The following PRDM16 variants were observed in gnomAD, a reference collection of about 807,000 sequenced individuals.
The protein encoded by PRDM16 is histone-lysine N-methyltransferase PRDM16.
PRDM16 carries 23 observed loss-of-function variants against 110.6 expected under a neutral mutation model. That is an observed-to-expected ratio of 0.21 (90% CI 0.15 to 0.29). PRDM16 has a LOEUF of 0.29. PRDM16 is among the 10% of genes least tolerant of loss of function. The probability of loss-of-function intolerance (pLI) is 1.00; values close to 1 mark genes in which losing one functional copy is unlikely to be tolerated. For missense variants in PRDM16, 1,615 were observed against 1,794.3 expected (o/e 0.90, Z 1.81); for synonymous variants, 799 against 781.8 (o/e 1.02, Z -0.37).
Position 3,075,698 on chromosome 1 carries a change from C to T in PRDM16, c.37+6402C>T, listed in dbSNP as rs552043811. 1.0e-4 allele frequency among the ~76,000 whole-genome samples: 16 copies of T among 152,406 alleles called. No homozygotes were observed. In the East Asian group the frequency reaches 2.7e-3, roughly 26 times the overall value. On this transcript the variant is annotated intron_variant, in intron 1 of 16. Transcript: ENST00000270722. Reference sequence around the variant, plus strand: ...ATAAGGCTCTGTGCCGTCCCATGCGCGTTTTCCGCGCTGATGGCGGTGCCG... The same window carrying T: ...ATAAGGCTCTGTGCCGTCCCATGCGTGTTTTCCGCGCTGATGGCGGTGCCG...
At chr1:3,391,236 C>A (rs557766226) in intron 4 of PRDM16, among the ~76,000 whole-genome samples, 1 of 152,060 alleles carries the variant, frequency 6.6e-6, no homozygotes, top group South Asian at 2.1e-4. Context: ...TTGAAATGGG[C>A]GGGAGGAGGG....
chr1:3,277,663 A>C (rs1445924821), intron 3 of PRDM16, among the ~76,000 whole-genome samples: 1 of 152,258 alleles, frequency 6.6e-6, no homozygotes, highest in Non-Finnish European at 1.5e-5. Context: ...CATTGACCCC[A>C]GATGAATCCA....
intron 3 of PRDM16, among the ~76,000 whole-genome samples, chr1:3,277,917 T>G (rs1388477807): frequency 6.6e-6 from 1 of 152,140 alleles, no homozygotes; most frequent in African/African-American, 2.4e-5. Flanking sequence ...CTCATGCACA[T>G]GAGCACACGC....
Position 3,353,523 on chromosome 1 carries a change from T to C in PRDM16, c.439-31629T>C, listed in dbSNP as rs1557628201. ...TGGGCCATGGGAGCCCAAGGGTGGCTCCCTCGGGCCACCCCGTTACACTCC... is the reference window on the plus strand; with the variant it reads ...TGGGCCATGGGAGCCCAAGGGTGGCCCCCTCGGGCCACCCCGTTACACTCC... On this transcript the variant is annotated intron_variant, in intron 3 of 16. Transcript: ENST00000270722. This position sits in a 1 kb window ranked among gnomAD's most constrained non-coding sequence, Gnocchi z 5.4. Among the ~76,000 whole-genome samples, 1 of 152,050 alleles carries C rather than the reference T, an allele frequency of 6.6e-6. No homozygotes were observed. The highest frequency in any genetic ancestry group is 1.5e-5 in the Non-Finnish European group (1 of 67,988).
intron 1 of PRDM16, among the ~76,000 whole-genome samples, chr1:3,136,787 A>G (rs769351572): frequency 1.3e-5 from 2 of 152,140 alleles, no homozygotes; most frequent in African/African-American, 4.8e-5. Context: ...CCCTTCCTTC[A>G]GACAGCTGTA....
At chr1:3,250,410 T>C (rs924005274) in intron 3 of PRDM16, among the ~76,000 whole-genome samples, 6 of 151,950 alleles carry the variant, frequency 3.9e-5, no homozygotes, top group Non-Finnish European at 8.8e-5. Flanking sequence ...CCAAGGTGAG[T>C]TATGGGGCAG....
chr1:3,240,407 C>CT (rs1553151438), intron 2 of PRDM16, among the ~76,000 whole-genome samples: 1 of 105,292 alleles, frequency 9.5e-6, no homozygotes, highest in Non-Finnish European at 2.1e-5. Flanking sequence ...CAACCTGTTT[C>CT]AAAAAAAAAA....
chr1:3,139,185 G>A (rs148556295), intron 1 of PRDM16, among the ~76,000 whole-genome samples: 5 of 152,308 alleles, frequency 3.3e-5, no homozygotes, highest in African/African-American at 1.2e-4. Flanking sequence ...ATCGGGGAGA[G>A]GGGGACCCAC....
At chr1:3,410,159 C>T (rs569716015) in intron 8 of PRDM16, among the ~76,000 whole-genome samples, 1 of 150,506 alleles carries the variant, frequency 6.6e-6, no homozygotes, top group African/African-American at 2.4e-5. Context: ...GTTGTGTGTG[C>T]TGTGTGTGTG....
intron 1 of PRDM16, among the ~76,000 whole-genome samples, chr1:3,151,564 T>A (rs1643775631): frequency 6.6e-6 from 1 of 152,198 alleles, no homozygotes; most frequent in African/African-American, 2.4e-5. Context: ...AGAGGTGAGA[T>A]TTACCTGATT....
At position 3,244,444 on chromosome 1, in the gene PRDM16, A is replaced by T. The variant is rs1024173997; in HGVS notation, c.438+307A>T. Among the ~76,000 whole-genome samples the T allele has an allele frequency of 6.6e-6, 1 of 152,110 alleles. No individual in the cohort carries two copies. The highest frequency in any genetic ancestry group is 1.5e-5 in the Non-Finnish European group (1 of 68,016). ...TGTGGGAAAGCTTCAGGCCACGCAG[A>T]CAGGAAAATTAAATAAACGCAGGTT... is the stretch of plus-strand genomic sequence containing the variant. On this transcript the variant is annotated intron_variant, in intron 3 of 16. Coordinates refer to ENST00000270722, the MANE Select transcript of PRDM16 (RefSeq NM_022114.4). The surrounding 1 kb of genome is among the most constrained non-coding windows in gnomAD (Gnocchi z 4.1).
intron 3 of PRDM16, among the ~76,000 whole-genome samples, chr1:3,248,591 G>A (rs919466691): frequency 6.6e-6 from 1 of 152,170 alleles, no homozygotes; most frequent in Non-Finnish European, 1.5e-5. Flanking sequence ...CTTAGAGGAG[G>A]GTCAAAAATA....
chr1:3,127,442 T>C (rs1157055464), intron 1 of PRDM16, among the ~76,000 whole-genome samples: 2 of 152,220 alleles, frequency 1.3e-5, no homozygotes, highest in Non-Finnish European at 2.9e-5. Context: ...ACGTATTTCA[T>C]TTTATTGCTT....
intron 3 of PRDM16, among the ~76,000 whole-genome samples, chr1:3,292,545 C>T (rs1381746431): frequency 6.6e-6 from 1 of 152,198 alleles, no homozygotes; most frequent in Non-Finnish European, 1.5e-5. Context: ...GGCACCGTGA[C>T]CTTCATTCTT....
intron 3 of PRDM16, among the ~76,000 whole-genome samples, chr1:3,269,615 G>A (rs1640383405): frequency 1.2e-5 from 1 of 86,414 alleles, no homozygotes; most frequent in East Asian, 2.1e-4. Flanking sequence ...TCCCAGAGGA[G>A]CACAGTCCCA....
At chr1:3,279,287 C>T (rs1250898138) in intron 3 of PRDM16, among the ~76,000 whole-genome samples, 17 of 152,228 alleles carry the variant, frequency 1.1e-4, no homozygotes, top group Admixed American at 1.0e-3. Context: ...TCCGGCACAG[C>T]CTGTGGTCAG....
At chr1:3,341,579 A>AT (rs1642273848) in intron 3 of PRDM16, among the ~76,000 whole-genome samples, 2 of 152,260 alleles carry the variant, frequency 1.3e-5, no homozygotes, top group East Asian at 3.8e-4. Flanking sequence ...GTGCGCACAC[A>AT]CACAGAGGGT....
intron 3 of PRDM16, among the ~76,000 whole-genome samples, chr1:3,344,278 C>T (rs1642323696): frequency 6.6e-6 from 1 of 152,084 alleles, no homozygotes; most frequent in Admixed American, 6.5e-5. Context: ...CACGTCACTG[C>T]CCTCCAGCCT....
intron 3 of PRDM16, among the ~76,000 whole-genome samples, chr1:3,383,533 C>A (rs1396266629): frequency 6.6e-6 from 1 of 152,174 alleles, no homozygotes; most frequent in African/African-American, 2.4e-5. Flanking sequence ...GAGACCGGGG[C>A]ACGTGGACCA....
Sources: gnomAD v4.1 joint callset for allele counts (sites outside exome capture counted in the v4.1 genomes callset) on GRCh38, gnomAD v4.1.1 for gene constraint, Gnocchi (gnomAD v3.1) non-coding constraint, MANE v1.5 for transcripts, NCBI Gene and HGNC (gene_info 2026-07-23, HGNC 2026-07-21) for gene names.